ABCC12: variants seen among roughly 807,000 people sequenced by gnomAD.
ABCC12 encodes the protein ATP-binding cassette sub-family C member 12.
A neutral mutation model predicts 151.1 loss-of-function variants in ABCC12; 142 were observed. That is an observed-to-expected ratio of 0.94 (90% CI 0.82 to 1.08). The LOEUF (loss-of-function observed/expected upper bound fraction) is 1.08. ABCC12 is among the 50% of genes least tolerant of loss of function. The pLI, the probability that ABCC12 is intolerant of heterozygous loss-of-function variation, is 0.00. For synonymous variants in ABCC12, 645 were observed against 646.4 expected (o/e 1.00, Z 0.03); for missense variants, 1,638 against 1,691.1 (o/e 0.97, Z 0.55).
In ABCC12 at chr16:48,083,895, A is replaced by C. The variant is rs752824292; in HGVS notation, c.3993+14T>G. On this transcript the variant is annotated intron_variant, in intron 30 of 30. Coordinates refer to ENST00000311303, the MANE Select transcript of ABCC12 (RefSeq NM_001393797.1). Reference sequence around the variant, plus strand: ...GACTTTCTGGGGAGGTGAAGCCAAAAGAGCTTCCTATACCTTCCCATTTTC... The same window carrying C: ...GACTTTCTGGGGAGGTGAAGCCAAACGAGCTTCCTATACCTTCCCATTTTC... The C allele has an allele frequency of 5.0e-6, 8 of 1,612,388 alleles. No individual in the cohort carries two copies. Among genetic ancestry groups the C allele is most frequent in the Admixed American group, 1.7e-5 (1 of 59,378 alleles).
rs1962387782 is a variant in ABCC12, at chr16:48,082,583, G to A, written c.*1132C>T. Reference sequence around the variant, plus strand: ...GCCAGGCACTCCTTCCTCCACGTCTGGGGAAGCAAGTACGTGACCAACACT... The same window carrying A: ...GCCAGGCACTCCTTCCTCCACGTCTAGGGAAGCAAGTACGTGACCAACACT... On this transcript the variant is annotated 3_prime_UTR_variant, in exon 31 of 31. Transcript: ENST00000311303. Among the ~76,000 whole-genome samples the A allele has an allele frequency of 1.3e-5, 2 of 152,198 alleles. No individual in the cohort carries two copies. The highest frequency in any genetic ancestry group is 1.3e-4 in the Admixed American group (2 of 15,282).
intron 11 of ABCC12, among the ~76,000 whole-genome samples, chr16:48,125,173 A>G (rs551129093): frequency 6.6e-6 from 1 of 152,346 alleles, no homozygotes; most frequent in East Asian, 1.9e-4. Flanking sequence ...GAAGTGATAC[A>G]GGAAAGGGAA....
In ABCC12 at chr16:48,146,356, T is replaced by A. The variant is rs16945897; in HGVS notation, c.69A>T (p.Glu23Asp). Residue 23 changes from glutamate to aspartate, a missense_variant, in exon 3 of 31, where the codon GAA becomes GAT. Transcript: ENST00000311303. ...DQRGRRRSFA[E>D]RYDPSLKTMI... The stretch of plus-strand genomic sequence containing the variant: ...TGGTCTTCAGGCTGGGGTCATATCT[T>A]TCTGCAAAGGATCTCCGCCGGCCTC... 6.2e-7 allele frequency: 1 copy of A among 1,614,128 alleles called. No homozygotes were observed. The highest frequency in any genetic ancestry group is 2.2e-5 in the East Asian group (1 of 44,878).
At chr16:48,138,468 A>C (rs1028695691) in intron 7 of ABCC12, 93 bp from the exon 8 acceptor site, 2 of 1,445,188 alleles carry the variant, frequency 1.4e-6, no homozygotes, top group African/African-American at 2.8e-5. Context: ...TGCCAGAAAA[A>C]GTTCTAAAGG....
chr16:48,083,660 C>A lies in ABCC12; in HGVS notation c.*55G>T. ...AGGACAGCCCCTCCTCCTGAAGACT[C>A]CTCCTATTCATCTCACAGAGCCTCT... On this transcript the variant is annotated 3_prime_UTR_variant, in exon 31 of 31. Coordinates refer to ENST00000311303, the MANE Select transcript of ABCC12 (RefSeq NM_001393797.1). 1 of 1,574,466 alleles carries A rather than the reference C, an allele frequency of 6.4e-7. No homozygotes were observed. Among genetic ancestry groups the A allele is most frequent in the Non-Finnish European group, 8.7e-7 (1 of 1,147,218 alleles).
chr16:48,092,844 C>T (rs1567444516), intron 24 of ABCC12, among the ~76,000 whole-genome samples: 1 of 152,048 alleles, frequency 6.6e-6, no homozygotes, highest in Non-Finnish European at 1.5e-5. Context: ...ATAAGAAGTC[C>T]ACCAGTCAAA....
chr16:48,142,649 G>A (rs555960179), intron 4 of ABCC12, among the ~76,000 whole-genome samples: 1 of 152,250 alleles, frequency 6.6e-6, no homozygotes, highest in Non-Finnish European at 1.5e-5. Context: ...ACACTCCCAG[G>A]CCTTCCCCAT....
intron 13 of ABCC12, among the ~76,000 whole-genome samples, chr16:48,118,820 G>A (rs1247823772): frequency 6.6e-6 from 1 of 152,202 alleles, no homozygotes; most frequent in Non-Finnish European, 1.5e-5. Flanking sequence ...GAATCCAGCT[G>A]GGCGACCTTG....
intron 20 of ABCC12, 50 bp from the exon 21 acceptor site, chr16:48,105,386 G>A (rs781656669): frequency 6.6e-7 from 1 of 1,525,932 alleles, no homozygotes. Context: ...TTCCTGCCAG[G>A]AGAACAGGAA....
At chr16:48,088,486 A>G in intron 26 of ABCC12, 59 bp downstream of exon 26, 1 of 1,551,642 alleles carries the variant, frequency 6.4e-7, no homozygotes, top group East Asian at 2.3e-5. Context: ...TAACTAGGAC[A>G]TCCAGTGGAA....
chr16:48,091,110 A>G lies in ABCC12; in HGVS notation c.3285+10T>C. ...ACTTGTCCCTCCTCTCTGATGCACT[A>G]ATTTCTTACCGAAATGTATTCCCTG... On this transcript the variant is annotated intron_variant, in intron 25 of 30. Transcript: ENST00000311303. The G allele has an allele frequency of 6.2e-7, 1 of 1,613,860 alleles. No homozygotes were observed. The highest frequency in any genetic ancestry group is 8.5e-7 in the Non-Finnish European group (1 of 1,179,738).
intron 4 of ABCC12, 21 bp from the exon 5 acceptor site, chr16:48,141,374 C>G: frequency 6.2e-7 from 1 of 1,613,444 alleles, no homozygotes; most frequent in South Asian, 1.1e-5. Context: ...AAAACAGAAG[C>G]ATAAAATGGA....
At chr16:48,092,596 A>G (rs1962945852) in intron 24 of ABCC12, among the ~76,000 whole-genome samples, 1 of 152,102 alleles carries the variant, frequency 6.6e-6, no homozygotes, top group Non-Finnish European at 1.5e-5. Flanking sequence ...TCATTGACTG[A>G]GCAGTAGCCA....
At position 48,111,817 on chromosome 16, in the gene ABCC12, A is replaced by G. The variant is rs1420066064; in HGVS notation, c.2083T>C (p.Tyr695His). Residue 695 changes from tyrosine (Y) to histidine (H), a missense_variant, in exon 16 of 31, where the codon TAT becomes CAT. Tyr to His is a moderately conservative substitution (Grantham distance 83). Transcript: ENST00000311303. ...CGCAGGTTGTGAATCAGTTTTGCAT[A>G]GCGCCCTCTCTCCTCCATTAACTCC... ...HKELMEERGRYAKLIHNLRGL... is the reference protein window; with the variant it reads ...HKELMEERGRHAKLIHNLRGL... 1 of 1,614,106 alleles carries G rather than the reference A, an allele frequency of 6.2e-7. No homozygotes were observed. The highest frequency in any genetic ancestry group is 8.5e-7 in the Non-Finnish European group (1 of 1,180,012).
Position 48,121,824 on chromosome 16 carries a change from C to A in ABCC12, c.1604G>T (p.Gly535Val). 6.2e-7 allele frequency: 1 copy of A among 1,614,192 alleles called. No homozygotes were observed. Among genetic ancestry groups the A allele is most frequent in the South Asian group, 1.1e-5 (1 of 91,076 alleles). The stretch of plus-strand genomic sequence containing the variant: ...CAAAGTTCCATTGACTGCCACCACC[C>A]CTTTCTGCAGCTGCATCTGGAACAA... ...ALLGQMQLQK[G>V]VVAVNGTLAY... The change falls in exon 13 of 31, where the codon GGG becomes GTG. Residue 535 changes from glycine (G) to valine (V), a missense_variant. Coordinates refer to ENST00000311303, the MANE Select transcript of ABCC12 (RefSeq NM_001393797.1).
At chr16:48,148,759 T>C (rs1965077079) in intron 2 of ABCC12, among the ~76,000 whole-genome samples, 1 of 151,596 alleles carries the variant, frequency 6.6e-6, no homozygotes, top group East Asian at 1.9e-4. Flanking sequence ...TTAGTTTTTG[T>C]ATTTACTACT....
At chr16:48,113,194 T>G (rs987269751) in intron 15 of ABCC12, among the ~76,000 whole-genome samples, 4 of 152,212 alleles carry the variant, frequency 2.6e-5, no homozygotes, top group African/African-American at 9.7e-5. Flanking sequence ...CATTGTACAC[T>G]TGATTGGGCG....
At chr16:48,090,835 C>G (rs1003175343) in intron 25 of ABCC12, among the ~76,000 whole-genome samples, 1 of 152,064 alleles carries the variant, frequency 6.6e-6, no homozygotes, top group Non-Finnish European at 1.5e-5. Context: ...TCTAGTCTCC[C>G]GAGTAGCTGG....
rs1445260100 is a variant in ABCC12, at chr16:48,083,099, T to A, written c.*616A>T. 6.6e-6 allele frequency: 1 copy of A among 152,216 alleles called. No homozygotes were observed. Among genetic ancestry groups the A allele is most frequent in the Non-Finnish European group, 1.5e-5 (1 of 68,040 alleles). The allele number at this position is 152,216 out of a possible 1,614,324, so 9.4% of individuals were successfully genotyped here. A position where few individuals can be genotyped will look rare whatever the true frequency, so the allele number is the denominator to read the frequency against. On this transcript the variant is annotated 3_prime_UTR_variant, in exon 31 of 31. Transcript: ENST00000311303. ...ACGACGAATAAAGAAGATATAAAAG[T>A]GTCATTTATAGAGAAACTCCAGCAT...
Sources: allele counts gnomAD v4.1 joint callset (sites outside exome capture counted in the v4.1 genomes callset), GRCh38; gene constraint gnomAD v4.1.1; transcripts MANE v1.5; gene names NCBI Gene and HGNC (gene_info 2026-07-23, HGNC 2026-07-21).